Variants in MSI2 observed in about 807,000 individuals in gnomAD.
MSI2 encodes the protein RNA-binding protein Musashi homolog 2.
A neutral mutation model predicts 45.6 loss-of-function variants in MSI2; 17 were observed. The observed-to-expected ratio is 0.37, with a 90% confidence interval of 0.26 to 0.56. MSI2 has a LOEUF of 0.56. MSI2 is among the 20% of genes least tolerant of loss of function. The probability of loss-of-function intolerance (pLI) is 0.77; values close to 1 mark genes in which losing one functional copy is unlikely to be tolerated. For synonymous variants in MSI2, 156 were observed against 158.2 expected (o/e 0.99, Z 0.11); for missense variants, 293 against 444.2 (o/e 0.66, Z 3.06).
intron 5 of MSI2, among the ~76,000 whole-genome samples, chr17:57,365,525 T>G (rs1917126491): frequency 6.6e-6 from 1 of 152,122 alleles, no homozygotes; most frequent in Non-Finnish European, 1.5e-5. Context: ...GGGATGGGTG[T>G]TCTGCAGGCA....
chr17:57,701,362 G>A, the MSI2 span, among the ~76,000 whole-genome samples: 2 of 152,146 alleles, frequency 1.3e-5, no homozygotes, highest in African/African-American at 4.8e-5. Flanking sequence ...GAGGTAATTA[G>A]GTCATGAAAG....
rs148836588 is a variant in MSI2 at position 57,407,570 on chromosome 17, C to T, written c.405+6099C>T. Among the ~76,000 whole-genome samples, 363 of 152,296 alleles carry T rather than the reference C, an allele frequency of 2.4e-3. 3 individuals are homozygous for T. The highest frequency in any genetic ancestry group is 8.4e-3 in the African/African-American group (348 of 41,550). On this transcript the variant is annotated intron_variant, in intron 6 of 13. Coordinates refer to ENST00000284073, the MANE Select transcript of MSI2 (RefSeq NM_138962.4). The surrounding 1 kb of genome is among the most constrained non-coding windows in gnomAD (Gnocchi z 4.1). ...TGTGTGTCCTTTGTGGACATCTGAG[C>T]TCCCGTGAGGCTTTGTCCTCTGAAG...
intron 7 of MSI2, among the ~76,000 whole-genome samples, chr17:57,551,590 A>G (rs985750081): frequency 6.6e-6 from 1 of 152,118 alleles, no homozygotes; most frequent in Admixed American, 6.6e-5. Context: ...GGGGTCATGC[A>G]TGTACACACA....
Position 57,512,968 on chromosome 17 carries a change from C to CTTTTTTTTTTTTTTT in MSI2, c.406-16705_406-16691dup, listed in dbSNP as rs34727727. Among the ~76,000 whole-genome samples the CTTTTTTTTTTTTTTT allele has an allele frequency of 5.2e-5, 6 of 114,732 alleles. 1 individual carries two copies. The highest frequency in any genetic ancestry group is 9.9e-5 in the Admixed American group (1 of 10,144). The allele number at this position is 114,732 out of a possible 152,430, so 75.3% of individuals were successfully genotyped here. On this transcript the variant is annotated intron_variant, in intron 6 of 13. Transcript: ENST00000284073. ...ATATTGCACATGAATTAGCTTCTTC[C>CTTTTTTTTTTTTTTT]TTTTTTTTTTTTTTTTTCCTTCTGA...
At chr17:57,510,118 G>A (rs1281107132) in intron 6 of MSI2, among the ~76,000 whole-genome samples, 1 of 152,008 alleles carries the variant, frequency 6.6e-6, no homozygotes, top group Non-Finnish European at 1.5e-5. Flanking sequence ...TGCCCCACGA[G>A]GTTTCCCCAT....
At chr17:57,511,510 C>T (rs2086354887) in intron 6 of MSI2, among the ~76,000 whole-genome samples, 1 of 152,194 alleles carries the variant, frequency 6.6e-6, no homozygotes, top group Non-Finnish European at 1.5e-5. Flanking sequence ...GGGCTCAAGT[C>T]CTGCTGGCTC....
At chr17:57,626,884 T>C (rs1908855021) in intron 9 of MSI2, 2 of 336,868 alleles carry the variant, frequency 5.9e-6, no homozygotes, top group South Asian at 8.1e-5. Context: ...TCAATAGCTT[T>C]AAGGTAAAGT....
At chr17:57,658,511 C>G (rs1192965904) in intron 11 of MSI2, among the ~76,000 whole-genome samples, 1 of 152,224 alleles carries the variant, frequency 6.6e-6, no homozygotes, top group Non-Finnish European at 1.5e-5. Context: ...CTGCCCGCTG[C>G]TGACCTCAGC....
chr17:57,654,880 T>C (rs1222445030), intron 11 of MSI2, among the ~76,000 whole-genome samples: 1 of 151,974 alleles, frequency 6.6e-6, no homozygotes, highest in African/African-American at 2.4e-5. Flanking sequence ...CGGCCCTTTT[T>C]TTGTCTTTGA....
At chr17:57,410,023 A>AAAAAAAAAAAAAAAAAAAAAAAAAAAG in intron 6 of MSI2, among the ~76,000 whole-genome samples, 1 of 149,810 alleles carries the variant, frequency 6.7e-6, no homozygotes, top group African/African-American at 2.5e-5. Flanking sequence ...AAAAAAAAAA[A>AAAAAAAAAAAAAAAAAAAAAAAAAAAG]AATGGGGAGT....
intron 10 of MSI2, among the ~76,000 whole-genome samples, chr17:57,650,800 G>A (rs1199152356): frequency 6.6e-6 from 1 of 152,150 alleles, no homozygotes; most frequent in South Asian, 2.1e-4. Context: ...AGTGTTTAGT[G>A]GGCTTCTAGT....
chr17:57,454,641 T>G (rs1310490140), intron 6 of MSI2, among the ~76,000 whole-genome samples: 1 of 152,134 alleles, frequency 6.6e-6, no homozygotes, highest in Non-Finnish European at 1.5e-5. Flanking sequence ...TTCACTATGT[T>G]GGCCAGCATG....
intron 7 of MSI2, among the ~76,000 whole-genome samples, chr17:57,546,978 TAAGAAGAA>T: frequency 6.6e-6 from 1 of 152,136 alleles, no homozygotes. Flanking sequence ...TGCTGAGGGC[TAAGAAGAA>T]GAGAAAATAG....
At chr17:57,528,700 CTGTTTG>C (rs1271658511) in intron 6 of MSI2, among the ~76,000 whole-genome samples, 1 of 152,148 alleles carries the variant, frequency 6.6e-6, no homozygotes, top group Non-Finnish European at 1.5e-5. Flanking sequence ...ATGGTCTTCC[CTGTTTG>C]TGTTTGTGTC....
intron 6 of MSI2, among the ~76,000 whole-genome samples, chr17:57,493,164 C>T (rs2085909780): frequency 2.0e-5 from 3 of 152,104 alleles, no homozygotes; most frequent in Admixed American, 2.0e-4. Context: ...CAGGTGGGCA[C>T]CTTGGAGACG....
intron 6 of MSI2, among the ~76,000 whole-genome samples, chr17:57,482,294 G>A (rs538514471): frequency 3.3e-5 from 5 of 152,084 alleles, no homozygotes; most frequent in Admixed American, 2.0e-4. Flanking sequence ...AAACACCATC[G>A]GCTCACAGTT....
chr17:57,674,841 C>T, intron 11 of MSI2, 131 bp from the exon 12 acceptor site: 1 of 1,378,748 alleles, frequency 7.3e-7, no homozygotes, highest in Non-Finnish European at 9.8e-7. Flanking sequence ...AGCTGTTTTT[C>T]TCAAGTGTTT....
At chr17:57,258,693 GT>G (rs113129115) in intron 4 of MSI2, among the ~76,000 whole-genome samples, 2 of 152,206 alleles carry the variant, frequency 1.3e-5, no homozygotes, top group African/African-American at 4.8e-5. Flanking sequence ...CACAGCACGC[GT>G]TACCAACTGT....
At chr17:57,433,115 G>A (rs1174160073) in intron 6 of MSI2, among the ~76,000 whole-genome samples, 2 of 152,108 alleles carry the variant, frequency 1.3e-5, no homozygotes, top group Non-Finnish European at 2.9e-5. Context: ...TTTCGAGAAA[G>A]GATTTGAGAC....
Sources: gnomAD v4.1 joint callset for allele counts (sites outside exome capture counted in the v4.1 genomes callset) on GRCh38, gnomAD v4.1.1 for gene constraint, Gnocchi (gnomAD v3.1) non-coding constraint, MANE v1.5 for transcripts, NCBI Gene and HGNC (gene_info 2026-07-23, HGNC 2026-07-21) for gene names.